EGLN3: variants seen among roughly 807,000 people sequenced by gnomAD.
The protein encoded by EGLN3 is prolyl hydroxylase EGLN3.
In EGLN3, 15 loss-of-function variants were observed where a neutral mutation model predicts 26.0. The ratio of observed to expected loss-of-function variants is 0.58; its 90% CI spans 0.39 to 0.89. The LOEUF (loss-of-function observed/expected upper bound fraction) is 0.89, where lower values mean the gene tolerates loss of function less well. Ranked by LOEUF, EGLN3 falls within the 40% of genes least tolerant of loss-of-function variation. EGLN3 has a pLI of 0.00. For missense variants in EGLN3, 238 were observed against 311.6 expected (o/e 0.76, Z 1.78); for synonymous variants, 147 against 127.2 (o/e 1.16, Z -1.05).
At position 33,950,516 on chromosome 14, in the gene EGLN3, C is replaced by G. The variant is rs374863227; in HGVS notation, c.237G>C (p.Thr79=). The part of the protein sequence containing the change: ...SKRHLRGDQI[T]WIGGNEEGCE... ...AGCCCTCCTCGTTGCCCCCGATCCA[C>G]GTGATCTGGTCGCCCCGCAGGTGTC... is the stretch of plus-strand genomic sequence containing the variant. The change falls in exon 1 of 5, where the codon ACG becomes ACC. Residue 79 remains threonine (T), a synonymous_variant. Transcript: ENST00000250457. 41 of 1,613,648 alleles carry G rather than the reference C, an allele frequency of 2.5e-5. 1 individual carries two copies. In the African/African-American group the frequency reaches 5.1e-4, roughly 20 times the overall value.
chr14:33,947,613 A>C (rs1324044386), intron 1 of EGLN3, among the ~76,000 whole-genome samples: 1 of 152,196 alleles, frequency 6.6e-6, no homozygotes. Context: ...AATAAGCATA[A>C]CCTCAAGAAA....
At chr14:33,931,516 G>T (rs956659450) in intron 1 of EGLN3, among the ~76,000 whole-genome samples, 8 of 152,204 alleles carry the variant, frequency 5.3e-5, no homozygotes, top group African/African-American at 1.7e-4. Context: ...TAACCTGTTT[G>T]TATGCCCTGC....
At chr14:33,933,683 G>A (rs567147076) in intron 1 of EGLN3, among the ~76,000 whole-genome samples, 13 of 152,144 alleles carry the variant, frequency 8.5e-5, no homozygotes, top group African/African-American at 1.7e-4. Flanking sequence ...CTATTTGCTC[G>A]TCTTTGACAG....
intron 1 of EGLN3, among the ~76,000 whole-genome samples, chr14:33,934,600 C>T (rs575292002): frequency 6.6e-6 from 1 of 152,038 alleles, no homozygotes; most frequent in South Asian, 2.1e-4. Context: ...ATGTAAAAAC[C>T]ATTTCAAAAA....
chr14:33,950,459 G>C lies in EGLN3; in HGVS notation c.294C>G (p.Ile98Met). The C allele has an allele frequency of 1.9e-6, 3 of 1,613,648 alleles. No individual in the cohort carries two copies. Among genetic ancestry groups the C allele is most frequent in the Non-Finnish European group, 2.5e-6 (3 of 1,180,030 alleles). ...CEAISFLLSL[I>M]DRLVLYCGSR... is the part of the protein sequence containing the mutation. ...TCCCGCAGTAGAGGACCAGCCTGTC[G>C]ATGAGGGACAGGAGGAAGCTGATGG... The change falls in exon 1 of 5, where the codon ATC (isoleucine) becomes ATG (methionine). Residue 98 changes from isoleucine to methionine, a missense_variant. Coordinates refer to ENST00000250457, the MANE Select transcript of EGLN3 (RefSeq NM_022073.4).
chr14:33,947,107 G>A (rs890909572), intron 1 of EGLN3, among the ~76,000 whole-genome samples: 15 of 152,224 alleles, frequency 9.9e-5, no homozygotes, highest in African/African-American at 3.4e-4. Context: ...GTTTGAAGCA[G>A]AGGGACTTTT....
intron 2 of EGLN3, among the ~76,000 whole-genome samples, chr14:33,930,637 G>A (rs1425078218): frequency 1.3e-5 from 2 of 152,146 alleles, no homozygotes; most frequent in South Asian, 2.1e-4. Flanking sequence ...AGCCATCAAT[G>A]AGACATACCA....
chr14:33,950,981 C>A lies in EGLN3; in HGVS notation c.-229G>T. ...CGGGAGTGGTGCGGAGCTCCACGAC[C>A]CGTTTCCGGACTGGCCCGGCGAGCA... On this transcript the variant is annotated 5_prime_UTR_variant, in exon 1 of 5. Coordinates refer to ENST00000250457, the MANE Select transcript of EGLN3 (RefSeq NM_022073.4). 3.5e-6 allele frequency: 2 copies of A among 564,358 alleles called. No homozygotes were observed. Among genetic ancestry groups the A allele is most frequent in the South Asian group, 4.8e-5 (2 of 41,820 alleles). The allele number at this position is 564,358 out of a possible 1,614,324, so 35.0% of individuals were successfully genotyped here.
intron 1 of EGLN3, among the ~76,000 whole-genome samples, chr14:33,937,242 A>G (rs2064449605): frequency 6.6e-6 from 1 of 152,218 alleles, no homozygotes; most frequent in Non-Finnish European, 1.5e-5. Flanking sequence ...GTAAGTATTA[A>G]AAGTGCTTTA....
intron 1 of EGLN3, among the ~76,000 whole-genome samples, chr14:33,936,271 T>C (rs1483121519): frequency 5.4e-5 from 6 of 110,582 alleles, no homozygotes; most frequent in Non-Finnish European, 9.7e-5. Context: ...AGGAAATACA[T>C]GAGACCATGC....
chr14:33,947,686 G>A (rs1281738745), intron 1 of EGLN3, among the ~76,000 whole-genome samples: 1 of 152,122 alleles, frequency 6.6e-6, no homozygotes, highest in Non-Finnish European at 1.5e-5. Flanking sequence ...GTTGAAATTG[G>A]GTGATGGGAG....
intron 1 of EGLN3, among the ~76,000 whole-genome samples, chr14:33,936,722 T>G (rs2064445468): frequency 6.6e-6 from 1 of 151,126 alleles, no homozygotes; most frequent in African/African-American, 2.4e-5. Context: ...AAAAAACGTT[T>G]AGGTATTCAA....
In EGLN3 at chr14:33,950,818, C is replaced by T; in HGVS notation, c.-66G>A. 7.0e-7 allele frequency: 1 copy of T among 1,436,462 alleles called. No individual in the cohort carries two copies. Among genetic ancestry groups the T allele is most frequent in the Non-Finnish European group, 9.5e-7 (1 of 1,053,494 alleles). The allele number at this position is 1,436,462 out of a possible 1,614,324, so 89.0% of individuals were successfully genotyped here. On this transcript the variant is annotated 5_prime_UTR_variant, in exon 1 of 5. Coordinates refer to ENST00000250457, the MANE Select transcript of EGLN3 (RefSeq NM_022073.4). ...CCAGAGAGGGAACGATCTACACGAG[C>T]GCGAAGCCGAGGCGCGGGGAGCGTG...
At chr14:33,928,949 C>G in intron 3 of EGLN3, 127 bp downstream of exon 3, 1 of 1,178,682 alleles carries the variant, frequency 8.5e-7, no homozygotes, top group Non-Finnish European at 1.2e-6. Flanking sequence ...AGACTCCAAA[C>G]AAGTTTGCTA....
chr14:33,927,799 TTAA>T (rs2064372851), intron 3 of EGLN3, among the ~76,000 whole-genome samples: 3 of 152,216 alleles, frequency 2.0e-5, no homozygotes, highest in African/African-American at 7.2e-5. Flanking sequence ...CACAGTATGT[TTAA>T]AACTCTTGGC....
chr14:33,945,350 G>A lies in EGLN3; in HGVS notation c.357+5046C>T, dbSNP rs1005744569. Among the ~76,000 whole-genome samples the A allele has an allele frequency of 7.2e-5, 11 of 152,100 alleles. 1 individual carries two copies. Among genetic ancestry groups the A allele is most frequent in the African/African-American group, 1.7e-4 (7 of 41,388 alleles). ...TGCTCTAAGAGCTATAACTCTCATGGGCCCTGGCAACCATATTTGTGATGC... is the reference window on the plus strand; with the variant it reads ...TGCTCTAAGAGCTATAACTCTCATGAGCCCTGGCAACCATATTTGTGATGC... On this transcript the variant is annotated intron_variant, in intron 1 of 4. Transcript: ENST00000250457.
At chr14:33,945,424 C>G (rs556818200) in intron 1 of EGLN3, among the ~76,000 whole-genome samples, 2 of 152,326 alleles carry the variant, frequency 1.3e-5, no homozygotes, top group South Asian at 4.1e-4. Context: ...TGATAGATCC[C>G]TTGAGCCAAG....
Position 33,929,222 on chromosome 14 carries a change from A to G in EGLN3, c.478-10T>C. The stretch of plus-strand genomic sequence containing the variant: ...GGATCCCACCATGTAGCTGAAAGAC[A>G]CAAAGAAGGGGGATTATTTCTTACC... On this transcript the variant is annotated splice_polypyrimidine_tract_variant and intron_variant, in intron 2 of 4. Coordinates refer to ENST00000250457, the MANE Select transcript of EGLN3 (RefSeq NM_022073.4). 1.2e-6 allele frequency: 2 copies of G among 1,613,820 alleles called. No homozygotes were observed. The highest frequency in any genetic ancestry group is 1.7e-6 in the Non-Finnish European group (2 of 1,179,880).
chr14:33,932,071 TC>T (rs1344797279), intron 1 of EGLN3, among the ~76,000 whole-genome samples: 1 of 152,218 alleles, frequency 6.6e-6, no homozygotes, highest in Admixed American at 6.5e-5. Flanking sequence ...GAAAGCCAGT[TC>T]TTTTCTTCAC....
Sources: gnomAD v4.1 joint callset for allele counts (sites outside exome capture counted in the v4.1 genomes callset) on GRCh38, gnomAD v4.1.1 for gene constraint, MANE v1.5 for transcripts, NCBI Gene and HGNC (gene_info 2026-07-23, HGNC 2026-07-21) for gene names.